Variants in OXR1 observed in about 807,000 individuals in gnomAD.
OXR1 encodes the protein oxidation resistance protein 1.
Under a neutral mutation model 104.6 loss-of-function variants are expected in OXR1, and 41 were observed. The observed-to-expected ratio is 0.39, with a 90% CI of 0.31 to 0.51. OXR1 has a LOEUF of 0.51. OXR1 is among the 20% of genes least tolerant of loss of function. The pLI is 0.77. For synonymous variants in OXR1, 348 were observed against 348.4 expected (o/e 1.00, Z 0.01); for missense variants, 955 against 1,031.9 (o/e 0.93, Z 1.02).
At chr8:106,283,750 T>G (rs995501536) in intron 1 of OXR1, among the ~76,000 whole-genome samples, 2 of 152,182 alleles carry the variant, frequency 1.3e-5, no homozygotes, top group African/African-American at 4.8e-5. Flanking sequence ...TTTGACTCCC[T>G]GACAGGAAGT....
chr8:106,483,030 C>G (rs1040010219), intron 2 of OXR1, among the ~76,000 whole-genome samples: 1 of 151,986 alleles, frequency 6.6e-6, no homozygotes, highest in Admixed American at 6.6e-5. Flanking sequence ...ACTTGGTCAT[C>G]TGACTCCATA....
At chr8:106,472,706 G>C (rs915996051) in intron 2 of OXR1, among the ~76,000 whole-genome samples, 2 of 151,816 alleles carry the variant, frequency 1.3e-5, no homozygotes, top group African/African-American at 4.8e-5. Flanking sequence ...TGTCACTCCA[G>C]TCTTTTTTCT....
chr8:106,517,022 G>A (rs1812905177), intron 2 of OXR1, among the ~76,000 whole-genome samples: 1 of 152,040 alleles, frequency 6.6e-6, no homozygotes, highest in Non-Finnish European at 1.5e-5. Context: ...ATTACTGTAT[G>A]GTAAAAGTCA....
intron 2 of OXR1, among the ~76,000 whole-genome samples, chr8:106,412,563 A>C (rs1818499907): frequency 6.6e-6 from 1 of 151,566 alleles, no homozygotes; most frequent in South Asian, 2.1e-4. Context: ...GTTGGCACAG[A>C]AAGTTCCGGA....
At chr8:106,413,984 T>C (rs1192192029) in intron 2 of OXR1, among the ~76,000 whole-genome samples, 2 of 152,128 alleles carry the variant, frequency 1.3e-5, no homozygotes, top group Non-Finnish European at 2.9e-5. Flanking sequence ...CATCCCAGCC[T>C]CCCAAAGTGC....
chr8:106,484,075 T>A (rs188953181), intron 2 of OXR1, among the ~76,000 whole-genome samples: 1 of 152,138 alleles, frequency 6.6e-6, no homozygotes, highest in African/African-American at 2.4e-5. Flanking sequence ...AATGATAAGC[T>A]GAACTTTATT....
chr8:106,424,126 T>C (rs554067430), intron 2 of OXR1, among the ~76,000 whole-genome samples: 17 of 152,076 alleles, frequency 1.1e-4, no homozygotes, highest in Non-Finnish European at 2.2e-4. Flanking sequence ...TTAGTAGAAA[T>C]GGGGTTTCAC....
At position 106,653,681 on chromosome 8, in the gene OXR1, A is replaced by G. The variant is rs1824816056; in HGVS notation, c.221-25529A>G. On this transcript the variant is annotated intron_variant, in intron 3 of 16. Coordinates refer to ENST00000517566, the MANE Select transcript of OXR1 (RefSeq NM_001198533.2). ...GACTCAATGCATTTTCTCCAAATTC[A>G]GGAATAAAACGATATCTGCTCTCAC... Among the ~76,000 whole-genome samples the G allele has an allele frequency of 2.0e-5, 3 of 151,996 alleles. No individual in the cohort carries two copies. In the South Asian group the frequency reaches 6.2e-4, roughly 31 times the overall value.
At chr8:106,580,808 G>A (rs1298551340) in intron 3 of OXR1, among the ~76,000 whole-genome samples, 1 of 151,938 alleles carries the variant, frequency 6.6e-6, no homozygotes, top group Non-Finnish European at 1.5e-5. Flanking sequence ...CAAGAAATAT[G>A]TGACTTAAGC....
chr8:106,521,586 C>T (rs570561528), intron 3 of OXR1, among the ~76,000 whole-genome samples: 2 of 152,248 alleles, frequency 1.3e-5, no homozygotes, highest in Admixed American at 1.3e-4. Flanking sequence ...GATCTCGGCT[C>T]ACTGCAACCT....
chr8:106,578,232 AT>A (rs1563618534), intron 3 of OXR1, among the ~76,000 whole-genome samples: 1 of 151,968 alleles, frequency 6.6e-6, no homozygotes, highest in Non-Finnish European at 1.5e-5. Context: ...AATTCCAACT[AT>A]TTCCCTTTGC....
At chr8:106,496,515 A>C (rs1008800097) in intron 2 of OXR1, among the ~76,000 whole-genome samples, 2 of 152,328 alleles carry the variant, frequency 1.3e-5, no homozygotes, top group East Asian at 1.9e-4. Context: ...CCTGGTTGAC[A>C]GAACAGCCAT....
chr8:106,400,215 A>G (rs1373279609), intron 2 of OXR1, among the ~76,000 whole-genome samples: 1 of 152,074 alleles, frequency 6.6e-6, no homozygotes, highest in African/African-American at 2.4e-5. Context: ...TGTTCTTTGT[A>G]TATATTCTGA....
At chr8:106,635,593 C>A (rs1397080943) in intron 3 of OXR1, among the ~76,000 whole-genome samples, 1 of 151,954 alleles carries the variant, frequency 6.6e-6, no homozygotes, top group Admixed American at 6.6e-5. Context: ...TACAGGCATG[C>A]ACCACCACAC....
chr8:106,287,121 G>C (rs1044476412), intron 1 of OXR1, among the ~76,000 whole-genome samples: 1 of 152,092 alleles, frequency 6.6e-6, no homozygotes, highest in Non-Finnish European at 1.5e-5. Flanking sequence ...CAAATGTCCT[G>C]TAGACCTAAA....
At chr8:106,701,653 G>C (rs1830590719) in intron 7 of OXR1, among the ~76,000 whole-genome samples, 1 of 152,134 alleles carries the variant, frequency 6.6e-6, no homozygotes, top group Non-Finnish European at 1.5e-5. Flanking sequence ...GAGTGATTAT[G>C]GATTGTGACT....
At chr8:106,296,977 C>T (rs1323954528) in intron 1 of OXR1, among the ~76,000 whole-genome samples, 1 of 152,140 alleles carries the variant, frequency 6.6e-6, no homozygotes, top group Non-Finnish European at 1.5e-5. Context: ...CAAGCACACC[C>T]TAGAGCTGTG....
At chr8:106,283,335 C>T (rs1812366550) in intron 1 of OXR1, among the ~76,000 whole-genome samples, 2 of 152,178 alleles carry the variant, frequency 1.3e-5, no homozygotes, top group South Asian at 4.1e-4. Context: ...ATATGCATGA[C>T]TCTGGATCCC....
At chr8:106,565,567 G>T (rs764668237) in intron 3 of OXR1, among the ~76,000 whole-genome samples, 15 of 152,218 alleles carry the variant, frequency 9.9e-5, no homozygotes, top group Non-Finnish European at 1.9e-4. Flanking sequence ...GTGATTTATA[G>T]ATTCCATGCT....
Sources: gnomAD v4.1 joint callset for allele counts (sites outside exome capture counted in the v4.1 genomes callset) on GRCh38, gnomAD v4.1.1 for gene constraint, MANE v1.5 for transcripts, NCBI Gene and HGNC (gene_info 2026-07-23, HGNC 2026-07-21) for gene names.